The following VAC14 variants were observed in gnomAD, a reference collection of about 807,000 sequenced individuals.
VAC14 encodes VAC14 component of PIKFYVE complex.
Under a neutral mutation model 85.3 loss-of-function variants are expected in VAC14, and 47 were observed. The ratio of observed to expected loss-of-function variants is 0.55; its 90% CI spans 0.44 to 0.70. The LOEUF is 0.70. VAC14 is among the 30% of genes least tolerant of loss of function. The pLI, the probability that VAC14 is intolerant of heterozygous loss-of-function variation, is 0.00. For missense variants in VAC14, 861 were observed against 1,004.3 expected, an observed-to-expected ratio of 0.86 and a Z score of 1.93; for synonymous variants, 447 against 430.5, an observed-to-expected ratio of 1.04 and a Z score of -0.47.
At chr16:70,764,894 G>C (rs889740428) in intron 10 of VAC14, among the ~76,000 whole-genome samples, 1 of 152,164 alleles carries the variant, frequency 6.6e-6, no homozygotes, top group East Asian at 1.9e-4. Context: ...CACTCCCTTA[G>C]CTGACGGCCA....
At chr16:70,786,125 C>T in intron 2 of VAC14, 90 bp downstream of exon 2, 1 of 1,548,070 alleles carries the variant, frequency 6.5e-7, no homozygotes, top group Non-Finnish European at 8.7e-7. Flanking sequence ...CTGCAATGCC[C>T]TACTGGGTCT....
At chr16:70,761,280 TC>T (rs1445968757) in intron 12 of VAC14, 28 of 362,764 alleles carry the variant, frequency 7.7e-5, no homozygotes, top group South Asian at 1.3e-4. Context: ...CCCTCTCCCA[TC>T]CCCCCCACCC....
At chr16:70,791,863 G>A (rs538710292) in intron 1 of VAC14, among the ~76,000 whole-genome samples, 2 of 152,330 alleles carry the variant, frequency 1.3e-5, no homozygotes, top group South Asian at 4.1e-4. Flanking sequence ...ACCCCACACT[G>A]CCATATTGGT....
intron 10 of VAC14, chr16:70,768,653 C>T: frequency 3.0e-6 from 1 of 335,496 alleles, no homozygotes; most frequent in South Asian, 2.1e-5. Context: ...AGGGGGAAGA[C>T]AGCTTCTGCT....
At chr16:70,692,719 A>C in intron 18 of VAC14, 102 bp downstream of exon 18, 1 of 1,469,540 alleles carries the variant, frequency 6.8e-7, no homozygotes, top group Non-Finnish European at 9.1e-7. Flanking sequence ...TGCTGAAGTG[A>C]GGGAGGCCTC....
At chr16:70,733,270 G>C (rs1238257821) in intron 13 of VAC14, among the ~76,000 whole-genome samples, 1 of 152,016 alleles carries the variant, frequency 6.6e-6, no homozygotes, top group Non-Finnish European at 1.5e-5. Flanking sequence ...CGTTTTCAAG[G>C]TTCATCTATG....
At chr16:70,704,244 A>G (rs2053880983) in intron 14 of VAC14, among the ~76,000 whole-genome samples, 1 of 152,234 alleles carries the variant, frequency 6.6e-6, no homozygotes, top group Admixed American at 6.5e-5. Flanking sequence ...TAGACTGGCC[A>G]GTCACGCCCT....
intron 9 of VAC14, among the ~76,000 whole-genome samples, chr16:70,774,166 A>G (rs1169459502): frequency 6.6e-6 from 1 of 152,156 alleles, no homozygotes; most frequent in African/African-American, 2.4e-5. Flanking sequence ...GAGTTTTTCC[A>G]TTCCTGGCCT....
intron 14 of VAC14, among the ~76,000 whole-genome samples, chr16:70,707,466 C>A (rs777677322): frequency 6.6e-6 from 1 of 152,138 alleles, no homozygotes. Context: ...AGCCATCTGT[C>A]CCTCTGTGCA....
intron 14 of VAC14, among the ~76,000 whole-genome samples, chr16:70,711,005 G>A (rs183894893): frequency 1.5e-3 from 225 of 152,264 alleles, no homozygotes; most frequent in Non-Finnish European, 2.6e-3. Flanking sequence ...TGCCCTGGGC[G>A]CCATGCGCAT....
chr16:70,723,168 G>A (rs765550680), intron 14 of VAC14, among the ~76,000 whole-genome samples: 12 of 152,054 alleles, frequency 7.9e-5, no homozygotes, highest in Non-Finnish European at 1.8e-4. Flanking sequence ...GTTGCAGTGA[G>A]CTGAGATTGC....
At chr16:70,747,313 T>C (rs1296331822) in intron 12 of VAC14, 1 of 151,552 alleles carries the variant, frequency 6.6e-6, no homozygotes, top group Non-Finnish European at 1.5e-5. Context: ...GAGGGAGGCA[T>C]GGGGAGTGAC....
intron 1 of VAC14, among the ~76,000 whole-genome samples, chr16:70,795,048 T>C (rs908455668): frequency 3.3e-5 from 5 of 152,228 alleles, no homozygotes; most frequent in African/African-American, 9.7e-5. Flanking sequence ...TGCAGGTTTG[T>C]AGACTAGGGA....
At chr16:70,741,107 G>A (rs1430732938) in intron 13 of VAC14, among the ~76,000 whole-genome samples, 2 of 152,274 alleles carry the variant, frequency 1.3e-5, no homozygotes, top group South Asian at 2.1e-4. Context: ...CCCCTACAGG[G>A]ACACAGCACT....
intron 10 of VAC14, 125 bp from the exon 11 acceptor site, chr16:70,763,150 T>C (rs2032543508): frequency 1.4e-6 from 2 of 1,401,388 alleles, no homozygotes; most frequent in Non-Finnish European, 1.9e-6. Context: ...TCTAGGGGGA[T>C]CGGGGGTCAG....
At chr16:70,753,044 G>GTGTGTA (rs1389287501) in intron 12 of VAC14, among the ~76,000 whole-genome samples, 2 of 151,764 alleles carry the variant, frequency 1.3e-5, no homozygotes, top group African/African-American at 4.9e-5. Flanking sequence ...GTGTGTGTGT[G>GTGTGTA]TGTCAGACAG....
At position 70,717,063 on chromosome 16, in the gene VAC14, T is replaced by C. The variant is rs565529501; in HGVS notation, c.1661+14432A>G. Among the ~76,000 whole-genome samples, 19 of 152,380 alleles carry C rather than the reference T, an allele frequency of 1.2e-4. No homozygotes were observed. In the South Asian group the frequency reaches 1.9e-3, roughly 15 times the overall value. On this transcript the variant is annotated intron_variant, in intron 14 of 18. Coordinates refer to ENST00000261776, the MANE Select transcript of VAC14 (RefSeq NM_018052.5). ...AACCCAGACCACCAGGTCCACACCA[T>C]TGTTGGCTCTGCCTCCTGATGTCCA... is the stretch of plus-strand genomic sequence containing the variant.
At chr16:70,691,824 A>G (rs2142983969) in intron 18 of VAC14, 1 of 985,318 alleles carries the variant, frequency 1.0e-6, no homozygotes, top group East Asian at 1.1e-4. Context: ...AGCCGATGCC[A>G]GCGGTGTGGA....
At chr16:70,779,291 A>G (rs2033691990) in intron 9 of VAC14, 1 of 152,290 alleles carries the variant, frequency 6.6e-6, no homozygotes, top group Non-Finnish European at 1.5e-5. Flanking sequence ...GTTCAAAAGA[A>G]AAGTCCATGA....
Sources: gnomAD v4.1 joint callset for allele counts (sites outside exome capture counted in the v4.1 genomes callset) on GRCh38, gnomAD v4.1.1 for gene constraint, MANE v1.5 for transcripts, NCBI Gene and HGNC (gene_info 2026-07-23, HGNC 2026-07-21) for gene names.